The following RAB10 variants were observed in gnomAD, a reference collection of about 807,000 sequenced individuals.
RAB10 encodes the protein ras-related protein Rab-10.
In RAB10, 5 loss-of-function variants were observed where a neutral mutation model predicts 25.7. The ratio of observed to expected loss-of-function variants is 0.19; its 90% CI spans 0.10 to 0.41. The LOEUF (loss-of-function observed/expected upper bound fraction) is 0.41, where lower values mean the gene tolerates loss of function less well. Among genes scored for constraint, RAB10 ranks in the 10% least tolerant of loss-of-function variants. The pLI is 1.00. For synonymous variants in RAB10, 89 were observed against 86.4 expected, an observed-to-expected ratio of 1.03 and a Z score of -0.16; for missense variants, 103 against 245.8, an observed-to-expected ratio of 0.42 and a Z score of 3.89.
intron 4 of RAB10, 125 bp from the exon 5 acceptor site, chr2:26,127,725 T>C: frequency 3.1e-6 from 2 of 639,076 alleles, no homozygotes; most frequent in Middle Eastern, 4.2e-4. Flanking sequence ...TGCTGAAATA[T>C]TCTGTGTTAT....
At chr2:26,086,103 C>G (rs751266041) in intron 1 of RAB10, among the ~76,000 whole-genome samples, 1 of 150,742 alleles carries the variant, frequency 6.6e-6, no homozygotes, top group Non-Finnish European at 1.5e-5. Flanking sequence ...TCACCTGAGG[C>G]CAGGAGTTCA....
At chr2:26,130,853 CATT>C (rs1225220341) in intron 5 of RAB10, among the ~76,000 whole-genome samples, 2 of 152,120 alleles carry the variant, frequency 1.3e-5, no homozygotes, top group African/African-American at 2.4e-5. Context: ...CAGGATGAAA[CATT>C]ATCCAGTATT....
chr2:26,121,956 T>A (rs1048027390), intron 3 of RAB10, among the ~76,000 whole-genome samples: 1 of 152,148 alleles, frequency 6.6e-6, no homozygotes, highest in Non-Finnish European at 1.5e-5. Flanking sequence ...CATATTGCAA[T>A]CAAAAGAGGT....
At chr2:26,062,568 C>T (rs1370152100) in intron 1 of RAB10, among the ~76,000 whole-genome samples, 1 of 152,034 alleles carries the variant, frequency 6.6e-6, no homozygotes, top group Non-Finnish European at 1.5e-5. Flanking sequence ...ATCTCAGCTA[C>T]TCGGGAGGCT....
At chr2:26,038,881 C>T (rs946280254) in intron 1 of RAB10, among the ~76,000 whole-genome samples, 3 of 144,402 alleles carry the variant, frequency 2.1e-5, no homozygotes, top group Non-Finnish European at 3.0e-5. Context: ...GCCGAGGTCG[C>T]ACTACTGCAC....
intron 1 of RAB10, among the ~76,000 whole-genome samples, chr2:26,044,653 C>A (rs1374435501): frequency 6.6e-6 from 1 of 151,670 alleles, no homozygotes; most frequent in Non-Finnish European, 1.5e-5. Context: ...TCAGATGATT[C>A]TCCTGCCTCA....
chr2:26,055,391 A>ATTT (rs536425050), intron 1 of RAB10, among the ~76,000 whole-genome samples: 3 of 138,772 alleles, frequency 2.2e-5, no homozygotes, highest in African/African-American at 7.9e-5. Context: ...CACTTGGCTA[A>ATTT]TTTTTTTTTT....
chr2:26,125,832 C>G (rs1046298501), intron 3 of RAB10, among the ~76,000 whole-genome samples: 1 of 152,046 alleles, frequency 6.6e-6, no homozygotes, highest in African/African-American at 2.4e-5. Flanking sequence ...TCTTTTCATT[C>G]TCTTGATAGC....
At chr2:26,061,606 G>C (rs558564644) in intron 1 of RAB10, among the ~76,000 whole-genome samples, 2 of 152,172 alleles carry the variant, frequency 1.3e-5, no homozygotes, top group Admixed American at 1.3e-4. Context: ...TCCCAGGCTG[G>C]TCTCGAACTC....
chr2:26,134,626 A>G (rs1668071793), intron 5 of RAB10, among the ~76,000 whole-genome samples: 1 of 152,222 alleles, frequency 6.6e-6, no homozygotes, highest in South Asian at 2.1e-4. Flanking sequence ...CCTTTTAAGT[A>G]CTAAACATAT....
chr2:26,108,885 A>G (rs999949370), intron 2 of RAB10, among the ~76,000 whole-genome samples: 1 of 36,490 alleles, frequency 2.7e-5, no homozygotes, highest in Non-Finnish European at 7.3e-5. Flanking sequence ...CTTTATATTT[A>G]TTTATTTATT....
chr2:26,062,983 C>T (rs907089676), intron 1 of RAB10, among the ~76,000 whole-genome samples: 2 of 152,028 alleles, frequency 1.3e-5, no homozygotes, highest in Non-Finnish European at 2.9e-5. Context: ...GGCATGGTGG[C>T]AGGCGCCTAT....
intron 1 of RAB10, among the ~76,000 whole-genome samples, chr2:26,061,749 T>A (rs1231366123): frequency 2.1e-5 from 3 of 144,790 alleles, no homozygotes; most frequent in East Asian, 4.1e-4. Context: ...TCATATCTGC[T>A]CCCCACCCCA....
chr2:26,078,724 A>G (rs774353513), intron 1 of RAB10, among the ~76,000 whole-genome samples: 22 of 152,234 alleles, frequency 1.4e-4, no homozygotes, highest in Admixed American at 7.2e-4. Flanking sequence ...AGAAAATCAC[A>G]TTGAGGCACA....
At chr2:26,069,684 A>G (rs1364718868) in intron 1 of RAB10, among the ~76,000 whole-genome samples, 1 of 151,322 alleles carries the variant, frequency 6.6e-6, no homozygotes, top group Non-Finnish European at 1.5e-5. Flanking sequence ...CCAAAAAAAA[A>G]GAAAAAAGGA....
chr2:26,037,761 G>C (rs540404849), intron 1 of RAB10, among the ~76,000 whole-genome samples: 5 of 152,312 alleles, frequency 3.3e-5, no homozygotes. Flanking sequence ...TAGGAGCACA[G>C]TGCATATTAG....
intron 1 of RAB10, among the ~76,000 whole-genome samples, chr2:26,049,374 T>A (rs1264683678): frequency 1.3e-5 from 2 of 151,916 alleles, no homozygotes; most frequent in African/African-American, 4.8e-5. Context: ...ACTCTTGCCG[T>A]AATTTACACT....
intron 1 of RAB10, among the ~76,000 whole-genome samples, chr2:26,069,952 C>T (rs550213717): frequency 2.4e-4 from 36 of 152,252 alleles, no homozygotes; most frequent in Non-Finnish European, 4.3e-4. Context: ...AGTGATCTGC[C>T]CTCCCCGGCT....
At chr2:26,078,820 GAA>G (rs907168883) in intron 1 of RAB10, among the ~76,000 whole-genome samples, 1 of 152,104 alleles carries the variant, frequency 6.6e-6, no homozygotes. Context: ...TTTTTTCTCA[GAA>G]ACACTGCAAG....
Sources: allele counts gnomAD v4.1 joint callset (sites outside exome capture counted in the v4.1 genomes callset), GRCh38; gene constraint gnomAD v4.1.1; transcripts MANE v1.5; gene names NCBI Gene and HGNC (gene_info 2026-07-23, HGNC 2026-07-21).